DNAJC1: variants seen among roughly 807,000 people sequenced by gnomAD.
DNAJC1 encodes dnaJ homolog subfamily C member 1.
In DNAJC1, 58 loss-of-function variants were observed where a neutral mutation model predicts 76.6. The observed-to-expected ratio is 0.76, with a 90% CI of 0.61 to 0.94. DNAJC1 has a LOEUF of 0.94. Among genes scored for constraint, DNAJC1 ranks in the 40% least tolerant of loss-of-function variants. The probability of loss-of-function intolerance (pLI) is 0.00; values close to 1 mark genes in which losing one functional copy is unlikely to be tolerated. For synonymous variants in DNAJC1, 258 were observed against 267.9 expected, an observed-to-expected ratio of 0.96 and a Z score of 0.36; for missense variants, 689 against 677.3, an observed-to-expected ratio of 1.02 and a Z score of -0.19.
chr10:21,780,621 G>A (rs1022446770), intron 9 of DNAJC1, among the ~76,000 whole-genome samples: 4 of 152,148 alleles, frequency 2.6e-5, no homozygotes, highest in African/African-American at 9.7e-5. Context: ...GGAACAACTG[G>A]TACCAGCCAC....
chr10:21,995,994 T>C (rs188927873), intron 1 of DNAJC1, among the ~76,000 whole-genome samples: 1 of 152,336 alleles, frequency 6.6e-6, no homozygotes, highest in East Asian at 1.9e-4. Context: ...TTAAAACATG[T>C]AATCATATTT....
At chr10:21,771,181 ATGT>A (rs1834372168) in intron 9 of DNAJC1, among the ~76,000 whole-genome samples, 1 of 152,134 alleles carries the variant, frequency 6.6e-6, no homozygotes, top group African/African-American at 2.4e-5. Flanking sequence ...ATTAGTTCCA[ATGT>A]TTTTTTTAGT....
Position 22,003,603 on chromosome 10 carries a change from G to A in DNAJC1, c.-169C>T, listed in dbSNP as rs1408346372. On this transcript the variant is annotated 5_prime_UTR_variant, in exon 1 of 12. Transcript: ENST00000376980. The stretch of plus-strand genomic sequence containing the variant: ...CCCCAGACAGAGCGCGGAGGCGGCG[G>A]GAGCCGGCTGCCGGACGGGCGGGTG... The A allele has an allele frequency of 4.9e-6, 4 of 810,376 alleles. No individual in the cohort carries two copies. Among genetic ancestry groups the A allele is most frequent in the African/African-American group, 3.6e-5 (2 of 55,492 alleles). The allele number at this position is 810,376 out of a possible 1,614,324, so 50.2% of individuals were successfully genotyped here.
chr10:21,832,519 A>AT (rs1835376053), intron 8 of DNAJC1, among the ~76,000 whole-genome samples: 1 of 152,074 alleles, frequency 6.6e-6, no homozygotes, highest in Non-Finnish European at 1.5e-5. Context: ...CATGCCCCAT[A>AT]TTTTTTTAAT....
chr10:21,784,239 A>C (rs1160415931), intron 9 of DNAJC1, among the ~76,000 whole-genome samples: 8 of 152,354 alleles, frequency 5.3e-5, no homozygotes, highest in African/African-American at 1.9e-4. Flanking sequence ...AAGTGGGCGA[A>C]GGATATGAAC....
At chr10:21,815,131 T>C (rs1835053810) in intron 8 of DNAJC1, among the ~76,000 whole-genome samples, 1 of 152,182 alleles carries the variant, frequency 6.6e-6, no homozygotes, top group African/African-American at 2.4e-5. Flanking sequence ...TGCCATCTCA[T>C]ATAAATCATG....
intron 1 of DNAJC1, among the ~76,000 whole-genome samples, chr10:21,994,653 T>C (rs1018322239): frequency 2.0e-5 from 3 of 151,724 alleles, no homozygotes; most frequent in Admixed American, 2.0e-4. Flanking sequence ...TAGACAGGCA[T>C]GGTGGCGGGC....
At chr10:21,960,565 T>G (rs917503581) in intron 1 of DNAJC1, among the ~76,000 whole-genome samples, 3 of 151,958 alleles carry the variant, frequency 2.0e-5, no homozygotes, top group African/African-American at 7.3e-5. Context: ...ATTACAGATA[T>G]TAGCCAAGCA....
chr10:21,772,554 CTTTT>C (rs1834398931), intron 9 of DNAJC1, among the ~76,000 whole-genome samples: 1 of 151,684 alleles, frequency 6.6e-6, no homozygotes, highest in Non-Finnish European at 1.5e-5. Flanking sequence ...CTTTATAATC[CTTTT>C]TATTTATATA....
At chr10:21,990,191 T>C (rs1305259898) in intron 1 of DNAJC1, among the ~76,000 whole-genome samples, 2 of 152,180 alleles carry the variant, frequency 1.3e-5, no homozygotes, top group Non-Finnish European at 2.9e-5. Context: ...TTTTTCAATC[T>C]TCCATAAATT....
At chr10:21,779,949 C>T (rs1207492015) in intron 9 of DNAJC1, among the ~76,000 whole-genome samples, 7 of 152,070 alleles carry the variant, frequency 4.6e-5, no homozygotes, top group Non-Finnish European at 1.0e-4. Flanking sequence ...GTGATGCATG[C>T]ACAAGTTTCA....
At chr10:21,862,690 A>T (rs1835935515) in intron 8 of DNAJC1, among the ~76,000 whole-genome samples, 1 of 152,046 alleles carries the variant, frequency 6.6e-6, no homozygotes, top group Admixed American at 6.5e-5. Flanking sequence ...CAGCCTCCCA[A>T]AGGGCTGGGA....
At chr10:21,772,411 GTCTA>G (rs1186939743) in intron 9 of DNAJC1, among the ~76,000 whole-genome samples, 1 of 150,190 alleles carries the variant, frequency 6.7e-6, no homozygotes, top group Non-Finnish European at 1.5e-5. Flanking sequence ...CTAATTATAA[GTCTA>G]TCTATTAAAA....
intron 8 of DNAJC1, among the ~76,000 whole-genome samples, chr10:21,839,203 G>C (rs1835527329): frequency 6.6e-6 from 1 of 152,210 alleles, no homozygotes; most frequent in Non-Finnish European, 1.5e-5. Flanking sequence ...AGAAAAGCAA[G>C]AGCAAACACA....
rs141333749 is a variant in DNAJC1, at chr10:22,002,788, G to A, written c.222+425C>T. Among the ~76,000 whole-genome samples, 327 of 152,040 alleles carry A rather than the reference G, an allele frequency of 2.2e-3. 1 individual carries two copies. The highest frequency in any genetic ancestry group is 3.7e-3 in the Non-Finnish European group (252 of 67,986). ...AGGTAAGTATCGGTGGAAGATGACA[G>A]TTTAGGGTGAGAAGCGGCTGCTCTT... On this transcript the variant is annotated intron_variant, in intron 1 of 11. Coordinates refer to ENST00000376980, the MANE Select transcript of DNAJC1 (RefSeq NM_022365.4).
intron 9 of DNAJC1, among the ~76,000 whole-genome samples, chr10:21,803,611 GTGTGTGTGTGTGTA>G (rs959753907): frequency 1.3e-5 from 2 of 151,158 alleles, no homozygotes; most frequent in African/African-American, 4.9e-5. Context: ...GTGTGTGTGT[GTGTGTGTGTGTGTA>G]TGTATGTGTG....
chr10:21,847,670 T>G (rs1212942376), intron 8 of DNAJC1, among the ~76,000 whole-genome samples: 1 of 152,190 alleles, frequency 6.6e-6, no homozygotes, highest in African/African-American at 2.4e-5. Context: ...CTGTCACATA[T>G]GAGTGAGAAC....
At chr10:21,772,599 C>A (rs1834400281) in intron 9 of DNAJC1, among the ~76,000 whole-genome samples, 1 of 151,606 alleles carries the variant, frequency 6.6e-6, no homozygotes, top group African/African-American at 2.4e-5. Context: ...TTTTTTGACC[C>A]TAGAAATTTG....
chr10:21,848,894 C>T (rs1321474720), intron 8 of DNAJC1, among the ~76,000 whole-genome samples: 1 of 152,024 alleles, frequency 6.6e-6, no homozygotes, highest in Non-Finnish European at 1.5e-5. Flanking sequence ...CAAGAAAAAT[C>T]AAAAGGGAAA....
Sources: gnomAD v4.1 joint callset for allele counts (sites outside exome capture counted in the v4.1 genomes callset) on GRCh38, gnomAD v4.1.1 for gene constraint, MANE v1.5 for transcripts, NCBI Gene and HGNC (gene_info 2026-07-23, HGNC 2026-07-21) for gene names.